WDR87: variants seen among roughly 807,000 people sequenced by gnomAD.
WDR87 encodes the protein WD repeat-containing protein 87.
A neutral mutation model predicts 83.3 loss-of-function variants in WDR87; 56 were observed. That is an observed-to-expected ratio of 0.67 (90% confidence interval 0.54 to 0.84). The LOEUF is 0.84. WDR87 is among the 40% of genes least tolerant of loss of function. The pLI, the probability that WDR87 is intolerant of heterozygous loss-of-function variation, is 0.00. For synonymous variants in WDR87, 1,173 were observed against 1,250.6 expected (o/e 0.94, Z 1.31); for missense variants, 2,939 against 3,431.9 (o/e 0.86, Z 3.59).
intron 2 of WDR87, among the ~76,000 whole-genome samples, chr19:37,896,872 G>A (rs1481538837): frequency 6.6e-6 from 1 of 152,044 alleles, no homozygotes; most frequent in African/African-American, 2.4e-5. Context: ...CGCCCGCCTC[G>A]GCCTCCCAAA....
Position 37,885,146 on chromosome 19 carries a change from A to G in WDR87, c.8525T>C (p.Leu2842Pro), listed in dbSNP as rs770772860. 3 of 1,464,298 alleles carry G rather than the reference A, an allele frequency of 2.0e-6. No individual in the cohort carries two copies. In the African/African-American group the frequency reaches 4.3e-5, roughly 21 times the overall value. The allele number at this position is 1,464,298 out of a possible 1,614,324, so 90.7% of individuals were successfully genotyped here. A position where few individuals can be genotyped will look rare whatever the true frequency, so the allele number is the denominator to read the frequency against. ...KATELVPGERLFCCLFCGSSH... is the reference protein window; with the variant it reads ...KATELVPGERPFCCLFCGSSH... ...ACTGCCACAAAACAGGCAGCAGAAC[A>G]GCCGTTCCCCGGGAACTAGCTCTGT... Residue 2842 changes from leucine (L) to proline (P), a missense_variant, in exon 6 of 6, where the codon CTG becomes CCG. Around this residue, in one of 3 missense-constraint regions of WDR87, gnomAD observed 2,160 missense variants for 2,533.1 expected, o/e 0.85. Transcript: ENST00000447313.
At chr19:37,892,534 A>G (rs1005577831) in intron 4 of WDR87, 44 bp downstream of exon 4, 5 of 1,421,096 alleles carry the variant, frequency 3.5e-6, no homozygotes, top group South Asian at 1.5e-5. Context: ...AAGGAGGGGG[A>G]AAATGGCGAA....
At position 37,891,557 on chromosome 19, in the gene WDR87, T is replaced by G; in HGVS notation, c.3389A>C (p.Lys1130Thr). The change falls in exon 5 of 6, where the codon AAG becomes ACG. Residue 1130 changes from lysine (K) to threonine (T), a missense_variant. Around this residue, in one of 3 missense-constraint regions of WDR87, gnomAD observed 2,160 missense variants for 2,533.1 expected, o/e 0.85. Coordinates refer to ENST00000447313, the MANE Select transcript of WDR87 (RefSeq NM_001291088.2). Reference protein sequence around the residue: ...GQRRGQAGVKKHSQKWLRGLK... With the variant: ...GQRRGQAGVKTHSQKWLRGLK... ...CCAGATTACCCCTTACATACTATGC[T>G]TTTTGACCCCTGCTTGGCCTCGTCT... 6.4e-7 allele frequency: 1 copy of G among 1,552,206 alleles called. No homozygotes were observed. Among genetic ancestry groups the G allele is most frequent in the Non-Finnish European group, 8.7e-7 (1 of 1,147,102 alleles).
chr19:37,905,814 A>G (rs993659144), intron 1 of WDR87, among the ~76,000 whole-genome samples: 5 of 152,108 alleles, frequency 3.3e-5, no homozygotes, highest in African/African-American at 9.7e-5. Context: ...TCGGTGGCTC[A>G]AAGTGCAGGG....
Position 37,893,066 on chromosome 19 carries a change from ATTC to A in WDR87, c.2634_2636del (p.Lys878del). The A allele has an allele frequency of 6.4e-7, 1 of 1,551,662 alleles. No individual in the cohort carries two copies. Among genetic ancestry groups the A allele is most frequent in the Non-Finnish European group, 8.7e-7 (1 of 1,146,998 alleles). On this transcript the variant is annotated inframe_deletion, in exon 4 of 6. Coordinates refer to ENST00000447313, the MANE Select transcript of WDR87 (RefSeq NM_001291088.2). ...CTAGGAAGTGTTCATCCTCCTCCTT[ATTC>A]TTTGGATATTCTGTATTACTTATAG...
rs889385533 is a variant in WDR87, at chr19:37,887,249, C to G, written c.6422G>C (p.Arg2141Thr). ...CCTGCGCTCCTTAACAAAGAGTGCC[C>G]TCTTCATCTTTGTCATTTTTATTTC... ...QEEIKMTKMK[R>T]ALFVKERRLS... The change falls in exon 6 of 6, where the codon AGG becomes ACG. Residue 2141 changes from arginine to threonine, a missense_variant. This residue lies in a region of WDR87 where 2,160 missense variants were observed against 2,533.1 expected (regional missense o/e 0.85). Coordinates refer to ENST00000447313, the MANE Select transcript of WDR87 (RefSeq NM_001291088.2). 4 of 1,551,612 alleles carry G rather than the reference C, an allele frequency of 2.6e-6. No individual in the cohort carries two copies. Among genetic ancestry groups the G allele is most frequent in the South Asian group, 1.2e-5 (1 of 83,962 alleles).
At position 37,891,762 on chromosome 19, in the gene WDR87, G is replaced by A. The variant is rs1401391554; in HGVS notation, c.3184C>T (p.Leu1062Phe). 6.4e-7 allele frequency: 1 copy of A among 1,552,268 alleles called. No individual in the cohort carries two copies. Among genetic ancestry groups the A allele is most frequent in the Non-Finnish European group, 8.7e-7 (1 of 1,147,132 alleles). The change falls in exon 5 of 6, where the codon CTC becomes TTC. Residue 1062 changes from leucine to phenylalanine, a missense_variant. Physicochemically the swap from Leu to Phe is conservative, Grantham distance 22. Around this residue, in one of 3 missense-constraint regions of WDR87, gnomAD observed 2,160 missense variants for 2,533.1 expected, o/e 0.85. Coordinates refer to ENST00000447313, the MANE Select transcript of WDR87 (RefSeq NM_001291088.2). ...TCCACTTGAGTGGAAAGGATTTGGA[G>A]ATCTGTGGCCCGCATCCCCAGTAGA... ...DHLLGMRATD[L>F]QILSTQVEQR...
intron 1 of WDR87, among the ~76,000 whole-genome samples, chr19:37,901,521 T>G (rs186836516): frequency 6.6e-6 from 1 of 152,278 alleles, no homozygotes; most frequent in East Asian, 1.9e-4. Flanking sequence ...CTGGAGCTGC[T>G]GAGAGAGTAG....
At chr19:37,901,823 C>T (rs980816730) in intron 1 of WDR87, among the ~76,000 whole-genome samples, 1 of 151,922 alleles carries the variant, frequency 6.6e-6, no homozygotes, top group Non-Finnish European at 1.5e-5. Context: ...AAGCAATCCT[C>T]CTGCCTCAGC....
chr19:37,885,369 A>C lies in WDR87; in HGVS notation c.8302T>G (p.Phe2768Val). 3.2e-6 allele frequency: 5 copies of C among 1,551,778 alleles called. No individual in the cohort carries two copies. The highest frequency in any genetic ancestry group is 4.4e-6 in the Non-Finnish European group (5 of 1,147,008). The change falls in exon 6 of 6, where the codon TTT (phenylalanine) becomes GTT (valine). Residue 2768 changes from phenylalanine to valine, a missense_variant. Transcript: ENST00000447313. ...KKEELPLWET[F>V]VALYHVLRML... is the part of the protein sequence containing the mutation. ...CGCAAAACATGGTACAGTGCCACAA[A>C]TGTCTCCCACAAAGGCAACTCTTCC...
rs2046179761 is a variant in WDR87 at position 37,889,137 on chromosome 19, C to T, written c.4534G>A (p.Glu1512Lys). Residue 1512 changes from glutamate (E) to lysine (K), a missense_variant, in exon 6 of 6, where the codon GAG (glutamate) becomes AAG (lysine). Glu to Lys is a moderately conservative substitution (Grantham distance 56, BLOSUM62 1). Around this residue, in one of 3 missense-constraint regions of WDR87, gnomAD observed 2,160 missense variants for 2,533.1 expected, o/e 0.85. Coordinates refer to ENST00000447313, the MANE Select transcript of WDR87 (RefSeq NM_001291088.2). ...CATGCCTTCCAGGATTTCCTTGTCT[C>T]ACCATGGACCTGTTTCCACTCATCC... ...AWDEWKQVHGETRKSWKAWKE... is the reference protein window; with the variant it reads ...AWDEWKQVHGKTRKSWKAWKE... 1 of 1,552,338 alleles carries T rather than the reference C, an allele frequency of 6.4e-7. No individual in the cohort carries two copies.
intron 1 of WDR87, among the ~76,000 whole-genome samples, chr19:37,899,730 G>A (rs1000571172): frequency 2.6e-5 from 4 of 151,854 alleles, no homozygotes; most frequent in African/African-American, 9.7e-5. Flanking sequence ...TTTCGGGCAT[G>A]AGCCACCACA....
rs1480657718 is a variant in WDR87, at chr19:37,894,536, C to A, written c.1167G>T (p.Leu389Phe). 1.9e-6 allele frequency: 3 copies of A among 1,551,640 alleles called. No individual in the cohort carries two copies. In the Admixed American group the frequency reaches 5.9e-5, roughly 30 times the overall value. Reference sequence around the variant, plus strand: ...CCCCTGTTACTGGGGACACAAAGCGCAACAAGCCATCCTCAGTGGTACACA... The same window carrying A: ...CCCCTGTTACTGGGGACACAAAGCGAAACAAGCCATCCTCAGTGGTACACA... ...RILCTTEDGLLRFVSPVTGDL... is the reference protein window; with the variant it reads ...RILCTTEDGLFRFVSPVTGDL... Residue 389 changes from leucine to phenylalanine, a missense_variant, in exon 4 of 6, where the codon TTG (leucine) becomes TTT (phenylalanine). Physicochemically the swap from Leu to Phe is conservative, Grantham distance 22. Around this residue, in one of 3 missense-constraint regions of WDR87, gnomAD observed 553 missense variants for 577.9 expected, o/e 0.96. Transcript: ENST00000447313.
Position 37,894,096 on chromosome 19 carries a change from A to G in WDR87, c.1607T>C (p.Leu536Pro). Residue 536 changes from leucine to proline, a missense_variant, in exon 4 of 6, where the codon CTG (leucine) becomes CCG (proline). Physicochemically the swap from Leu to Pro is moderately conservative, Grantham distance 98 (BLOSUM62 -3). Around this residue, in one of 3 missense-constraint regions of WDR87, gnomAD observed 553 missense variants for 577.9 expected, o/e 0.96. Transcript: ENST00000447313. ...CSYGMDDYVH[L>P]SEAVLDGVKV... ...GACCCCATCAAGCACAGCTTCTGAC[A>G]GGTGCACATAGTCATCCATTCCATA... is the stretch of plus-strand genomic sequence containing the variant. 1 of 1,552,318 alleles carries G rather than the reference A, an allele frequency of 6.4e-7. No individual in the cohort carries two copies. Among genetic ancestry groups the G allele is most frequent in the African/African-American group, 1.4e-5 (1 of 73,166 alleles).
intron 1 of WDR87, among the ~76,000 whole-genome samples, chr19:37,905,578 A>T (rs1352326182): frequency 5.1e-5 from 7 of 136,914 alleles, no homozygotes; most frequent in African/African-American, 2.9e-5. Flanking sequence ...TTTTTTTTTT[A>T]AAGAGACAGG....
At position 37,885,144 on chromosome 19, in the gene WDR87, A is replaced by G; in HGVS notation, c.8527T>C (p.Phe2843Leu). ...ATELVPGERL[F>L]CCLFCGSSHT... ...GAACTGCCACAAAACAGGCAGCAGA[A>G]CAGCCGTTCCCCGGGAACTAGCTCT... The change falls in exon 6 of 6, where the codon TTC becomes CTC. Residue 2843 changes from phenylalanine (F) to leucine (L), a missense_variant. Physicochemically the swap from Phe to Leu is conservative, Grantham distance 22. Coordinates refer to ENST00000447313, the MANE Select transcript of WDR87 (RefSeq NM_001291088.2). The G allele has an allele frequency of 6.8e-7, 1 of 1,464,196 alleles. No homozygotes were observed. The highest frequency in any genetic ancestry group is 9.0e-7 in the Non-Finnish European group (1 of 1,108,662). 90.7% of individuals were successfully genotyped at this position (1,464,196 alleles called of 1,614,324 possible).
intron 1 of WDR87, among the ~76,000 whole-genome samples, chr19:37,900,136 C>T (rs1373118036): frequency 6.6e-6 from 1 of 152,142 alleles, no homozygotes; most frequent in Non-Finnish European, 1.5e-5. Flanking sequence ...CACAGAAAAG[C>T]TTTCAACATC....
intron 5 of WDR87, 136 bp downstream of exon 5, chr19:37,891,416 A>G (rs2046203964): frequency 8.6e-6 from 10 of 1,161,824 alleles, no homozygotes; most frequent in Admixed American, 2.8e-5. Flanking sequence ...TGCCCACCTC[A>G]GCGTCCCAGT....
Position 37,885,901 on chromosome 19 carries a change from C to G in WDR87, c.7770G>C (p.Gln2590His). 6.4e-7 allele frequency: 1 copy of G among 1,552,318 alleles called. No individual in the cohort carries two copies. Among genetic ancestry groups the G allele is most frequent in the South Asian group, 1.2e-5 (1 of 84,064 alleles). Residue 2590 changes from glutamine (Q) to histidine (H), a missense_variant, in exon 6 of 6, where the codon CAG becomes CAC. Physicochemically the swap from Gln to His is conservative, Grantham distance 24 (BLOSUM62 0). Coordinates refer to ENST00000447313, the MANE Select transcript of WDR87 (RefSeq NM_001291088.2). ...LSRDGFHRLC[Q>H]LLKDLASKGN... ...CCTTTGAGGCAAGGTCTTTGAGCAG[C>G]TGGCACAGTCTATGGAAACCATCCC...
Sources: allele counts gnomAD v4.1 joint callset (sites outside exome capture counted in the v4.1 genomes callset), GRCh38; gene constraint gnomAD v4.1.1; regional missense constraint gnomAD v4.1.1; transcripts MANE v1.5; gene names NCBI Gene and HGNC (gene_info 2026-07-23, HGNC 2026-07-21).